Variants in LGSN observed in about 807,000 individuals in gnomAD.
LGSN encodes lengsin, lens protein with glutamine synthetase domain, also known as lengsin.
A neutral mutation model predicts 19.5 loss-of-function variants in LGSN; 21 were observed. The ratio of observed to expected loss-of-function variants is 1.07; its 90% confidence interval spans 0.76 to 1.55. The LOEUF (loss-of-function observed/expected upper bound fraction) is 1.55. Ranked by LOEUF, LGSN falls within the 40% of genes most tolerant of loss-of-function variation. The pLI is 0.00. For missense variants in LGSN, 673 were observed against 608.5 expected, an observed-to-expected ratio of 1.11 and a Z score of -1.12; for synonymous variants, 257 against 215.6, an observed-to-expected ratio of 1.19 and a Z score of -1.68.
chr6:63,367,014 C>T, the LGSN span, among the ~76,000 whole-genome samples: 1 of 152,078 alleles, frequency 6.6e-6, no homozygotes, highest in African/African-American at 2.4e-5. Flanking sequence ...CATTACCATT[C>T]AGGACATAGG....
At chr6:63,440,343 T>C in the LGSN span, among the ~76,000 whole-genome samples, 1 of 152,164 alleles carries the variant, frequency 6.6e-6, no homozygotes, top group Non-Finnish European at 1.5e-5. Flanking sequence ...TCAGTTCCTG[T>C]GTGGTGACTT....
At chr6:63,421,281 G>A in the LGSN span, among the ~76,000 whole-genome samples, 5 of 152,014 alleles carry the variant, frequency 3.3e-5, no homozygotes, top group Non-Finnish European at 7.4e-5. Flanking sequence ...AATTAGCCAG[G>A]CGTGATGGCA....
At chr6:63,286,107 C>A (rs535740995) in intron 2 of LGSN, among the ~76,000 whole-genome samples, 48 of 152,314 alleles carry the variant, frequency 3.2e-4, no homozygotes, top group African/African-American at 1.1e-3. Context: ...CCATAAAAGC[C>A]TGTCTGTAGG....
the LGSN span, among the ~76,000 whole-genome samples, chr6:63,350,108 G>T: frequency 2.2e-4 from 33 of 152,308 alleles, no homozygotes; most frequent in African/African-American, 7.9e-4. Context: ...TGGTGCAGAA[G>T]TAATTAGCAA....
chr6:63,497,799 A>G, the LGSN span, among the ~76,000 whole-genome samples: 64 of 152,112 alleles, frequency 4.2e-4, no homozygotes, highest in Admixed American at 6.5e-4. Context: ...TTAGTGAGAT[A>G]GTTGACATAA....
the LGSN span, among the ~76,000 whole-genome samples, chr6:63,357,383 T>C: frequency 1.1e-3 from 167 of 152,320 alleles, 1 homozygote; most frequent in African/African-American, 3.8e-3. Flanking sequence ...GTATTTCTAG[T>C]TCTAGATCCC....
chr6:63,492,393 T>C, the LGSN span, among the ~76,000 whole-genome samples: 5 of 152,356 alleles, frequency 3.3e-5, no homozygotes, highest in East Asian at 9.6e-4. Context: ...ATAGGACATG[T>C]TGTTCATAGT....
the LGSN span, among the ~76,000 whole-genome samples, chr6:63,417,018 G>T: frequency 6.6e-6 from 1 of 151,676 alleles, no homozygotes; most frequent in Non-Finnish European, 1.5e-5. Flanking sequence ...ATCAAAAACA[G>T]ATGTGAAACA....
At chr6:63,549,490 C>T in the LGSN span, 9 of 778,792 alleles carry the variant, frequency 1.2e-5, no homozygotes, top group Non-Finnish European at 1.8e-5. Flanking sequence ...TTTCCCTTGG[C>T]CTTCTTTCCT....
At chr6:63,435,086 C>A in the LGSN span, among the ~76,000 whole-genome samples, 38 of 152,300 alleles carry the variant, frequency 2.5e-4, no homozygotes, top group Non-Finnish European at 4.9e-4. Flanking sequence ...GCCATTTTAT[C>A]AAGGACAGAA....
chr6:63,359,929 T>C, the LGSN span, among the ~76,000 whole-genome samples: 1 of 152,202 alleles, frequency 6.6e-6, no homozygotes, highest in Non-Finnish European at 1.5e-5. Flanking sequence ...TGAAGCTTAC[T>C]TTAGCTGGAT....
At chr6:63,511,246 CTTTTTT>C in the LGSN span, among the ~76,000 whole-genome samples, 1 of 131,382 alleles carries the variant, frequency 7.6e-6, no homozygotes, top group African/African-American at 2.6e-5. Flanking sequence ...AAATAGATTT[CTTTTTT>C]TTTTTTTTTT....
At chr6:63,412,464 A>AAGAAGG in the LGSN span, among the ~76,000 whole-genome samples, 1 of 128,716 alleles carries the variant, frequency 7.8e-6, no homozygotes. Flanking sequence ...GAAAGAAAGA[A>AAGAAGG]AAAGAGAGAG....
the LGSN span, among the ~76,000 whole-genome samples, chr6:63,561,506 C>G: frequency 6.6e-6 from 1 of 152,120 alleles, no homozygotes; most frequent in Non-Finnish European, 1.5e-5. Flanking sequence ...ATTCTGTGTA[C>G]CCAGTCATCA....
the LGSN span, among the ~76,000 whole-genome samples, chr6:63,372,786 A>T: frequency 1.3e-5 from 2 of 152,176 alleles, no homozygotes; most frequent in African/African-American, 4.8e-5. Context: ...AATAAAAAAG[A>T]AAAAAACAAA....
the LGSN span, among the ~76,000 whole-genome samples, chr6:63,495,747 G>A: frequency 6.6e-6 from 1 of 151,894 alleles, no homozygotes; most frequent in South Asian, 2.1e-4. Flanking sequence ...ACCATGCCTG[G>A]TCTCAAAGAT....
the LGSN span, among the ~76,000 whole-genome samples, chr6:63,543,446 T>C: frequency 6.6e-6 from 1 of 152,254 alleles, no homozygotes. Context: ...GTGTAAATTA[T>C]AAGCTCTTTA....
chr6:63,497,248 G>A, the LGSN span, among the ~76,000 whole-genome samples: 1 of 152,032 alleles, frequency 6.6e-6, no homozygotes, highest in Non-Finnish European at 1.5e-5. Context: ...TGGGATTACA[G>A]GCATGATTAA....
At chr6:63,410,390 GA>G in the LGSN span, among the ~76,000 whole-genome samples, 1 of 152,116 alleles carries the variant, frequency 6.6e-6, no homozygotes, top group Non-Finnish European at 1.5e-5. Flanking sequence ...AGTCTTTATG[GA>G]ATGTTTATAT....
Sources: allele counts gnomAD v4.1 joint callset (sites outside exome capture counted in the v4.1 genomes callset), GRCh38; gene constraint gnomAD v4.1.1; transcripts MANE v1.5; gene names NCBI Gene and HGNC (gene_info 2026-07-23, HGNC 2026-07-21).